The following PRH1 variants were observed in gnomAD, a reference collection of about 807,000 sequenced individuals.
PRH1 encodes salivary acidic proline-rich phosphoprotein 1/2.
In PRH1, 7 loss-of-function variants were observed where a neutral mutation model predicts 7.9. The observed-to-expected ratio is 0.89, with a 90% confidence interval of 0.50 to 1.67. The LOEUF (loss-of-function observed/expected upper bound fraction) is 1.67, where lower values mean the gene tolerates loss of function less well. Ranked by LOEUF, PRH1 falls within the 40% of genes most tolerant of loss-of-function variation. The probability of loss-of-function intolerance (pLI) is 0.00; values close to 1 mark genes in which losing one functional copy is unlikely to be tolerated. For missense variants in PRH1, 109 were observed against 223.6 expected (o/e 0.49, Z 3.27); for synonymous variants, 45 against 80.8 (o/e 0.56, Z 2.38).
At chr12:10,993,496 A>G (rs1940045479) in intron 1 of PRH1, among the ~76,000 whole-genome samples, 1 of 152,192 alleles carries the variant, frequency 6.6e-6, no homozygotes, top group Admixed American at 6.5e-5. Context: ...TCAGTGACCT[A>G]TAACATAGAT....
At chr12:10,923,506 G>A (rs1022793550) in intron 2 of PRH1, among the ~76,000 whole-genome samples, 1 of 152,162 alleles carries the variant, frequency 6.6e-6, no homozygotes, top group African/African-American at 2.4e-5. Flanking sequence ...TAAATGTTAT[G>A]TGATTATTAG....
intron 1 of PRH1, among the ~76,000 whole-genome samples, chr12:11,136,546 A>G (rs2136381510): frequency 6.6e-6 from 1 of 152,312 alleles, no homozygotes; most frequent in African/African-American, 2.4e-5. Flanking sequence ...AAACTACTTC[A>G]AGTAAATTTA....
chr12:11,131,611 C>T (rs1047197978), intron 1 of PRH1, among the ~76,000 whole-genome samples: 1 of 145,802 alleles, frequency 6.9e-6, no homozygotes, highest in Admixed American at 6.9e-5. Context: ...CTTTTATATG[C>T]TTTTTTAAAA....
At chr12:10,916,575 GA>G in intron 2 of PRH1, among the ~76,000 whole-genome samples, 1 of 152,038 alleles carries the variant, frequency 6.6e-6, no homozygotes, top group South Asian at 2.1e-4. Flanking sequence ...TGTTAGCTAT[GA>G]AAAGAGTTGG....
intron 1 of PRH1, among the ~76,000 whole-genome samples, chr12:11,152,333 T>C (rs994771156): frequency 5.3e-5 from 8 of 149,702 alleles, no homozygotes; most frequent in African/African-American, 2.0e-4. Context: ...TGTGAGATAG[T>C]ATAATAATAC....
chr12:10,964,840 C>T lies in PRH1; in HGVS notation c.-59+8815G>A, dbSNP rs143084136. 1.7e-3 allele frequency: 916 copies of T among 546,218 alleles called. 8 individuals carry two copies. The highest frequency in any genetic ancestry group is 0.015 in the African/African-American group (774 of 52,352). The allele number at this position is 546,218 out of a possible 1,614,324, so 33.8% of individuals were successfully genotyped here. A position where few individuals can be genotyped will look rare whatever the true frequency, so the allele number is the denominator to read the frequency against. Reference sequence around the variant, plus strand: ...TTACAGTCATATCTGAAAGGTGCGTCGGATCACTCAATTTGATCTCCCAAC... The same window carrying T: ...TTACAGTCATATCTGAAAGGTGCGTTGGATCACTCAATTTGATCTCCCAAC... On this transcript the variant is annotated intron_variant, in intron 2 of 3. Coordinates refer to the PRH1 transcript ENST00000539853.
chr12:10,981,098 C>T (rs372718956), intron 1 of PRH1, among the ~76,000 whole-genome samples: 1 of 152,160 alleles, frequency 6.6e-6, no homozygotes, highest in South Asian at 2.1e-4. Context: ...TGAGCCAATT[C>T]AGAGAAGCAG....
chr12:10,985,299 A>T (rs1223037876), intron 1 of PRH1, among the ~76,000 whole-genome samples: 1 of 152,142 alleles, frequency 6.6e-6, no homozygotes, highest in Non-Finnish European at 1.5e-5. Context: ...TATGGTAGAC[A>T]TATACAAAAT....
intron 1 of PRH1, among the ~76,000 whole-genome samples, chr12:11,026,034 T>C (rs1050768497): frequency 3.9e-5 from 6 of 151,922 alleles, no homozygotes; most frequent in African/African-American, 1.5e-4. Flanking sequence ...GAACTTATAC[T>C]TGTTTTTTTT....
chr12:10,949,683 G>A (rs554417006), intron 2 of PRH1, among the ~76,000 whole-genome samples: 22 of 150,976 alleles, frequency 1.5e-4, no homozygotes, highest in African/African-American at 4.6e-4. Context: ...TACTATTGTC[G>A]AACATAACAT....
chr12:11,126,795 G>A (rs1192815532), intron 1 of PRH1, among the ~76,000 whole-genome samples: 1 of 152,092 alleles, frequency 6.6e-6, no homozygotes, highest in Non-Finnish European at 1.5e-5. Flanking sequence ...TATACTGTAA[G>A]GCAAATTTTA....
At position 10,908,754 on chromosome 12, in the gene PRH1, G is replaced by A. The variant is rs746721818; in HGVS notation, c.-58-24479C>T. On this transcript the variant is annotated intron_variant, in intron 2 of 3. Transcript: ENST00000539853. Reference sequence around the variant, plus strand: ...TGGTGTTAGACTGAACATAGTCATAGTGAATTTGACCGACACTGAAAATGT... The same window carrying A: ...TGGTGTTAGACTGAACATAGTCATAATGAATTTGACCGACACTGAAAATGT... 8 of 1,613,826 alleles carry A rather than the reference G, an allele frequency of 5.0e-6. No homozygotes were observed. Among genetic ancestry groups the A allele is most frequent in the South Asian group, 2.2e-5 (2 of 91,078 alleles).
At chr12:11,026,656 C>T (rs546727696) in intron 1 of PRH1, among the ~76,000 whole-genome samples, 178 of 152,156 alleles carry the variant, frequency 1.2e-3, no homozygotes, top group African/African-American at 3.8e-3. Context: ...TTCTATAAGC[C>T]GATTCACTAA....
Position 11,106,142 on chromosome 12 carries a change from G to A in PRH1, n.124-58954C>T, listed in dbSNP as rs1183856071. ...TTTTTAGTAGAGACGGGGTTTCACC[G>A]TGTTAGCCAGGATGGTCTCGATCTC... On this transcript the variant is annotated intron_variant and non_coding_transcript_variant, in intron 1 of 4. Transcript: ENST00000541977. Among the ~76,000 whole-genome samples the A allele has an allele frequency of 9.2e-5, 5 of 54,362 alleles. 2 individuals are homozygous for A. The highest frequency in any genetic ancestry group is 2.6e-4 in the Non-Finnish European group (5 of 19,420). The allele number at this position is 54,362 out of a possible 152,430, so 35.7% of individuals were successfully genotyped here. A position where few individuals can be genotyped will look rare whatever the true frequency, so the allele number is the denominator to read the frequency against.
intron 1 of PRH1, among the ~76,000 whole-genome samples, chr12:11,138,156 T>C (rs1946607895): frequency 6.6e-6 from 1 of 152,168 alleles, no homozygotes; most frequent in Non-Finnish European, 1.5e-5. Flanking sequence ...TTTGTGCAGT[T>C]TTCAATATGA....
intron 1 of PRH1, among the ~76,000 whole-genome samples, chr12:11,150,009 G>GGA (rs2136423030): frequency 8.5e-6 from 1 of 117,764 alleles, no homozygotes; most frequent in South Asian, 2.4e-4. Flanking sequence ...AGTGGGCAAA[G>GGA]GACATGAACA....
chr12:11,000,692 T>C (rs1291662955), intron 1 of PRH1, among the ~76,000 whole-genome samples: 1 of 152,148 alleles, frequency 6.6e-6, no homozygotes, highest in Non-Finnish European at 1.5e-5. Flanking sequence ...AGAAGTATGT[T>C]AGATGCTCTG....
chr12:10,970,829 G>T (rs1487361223), intron 2 of PRH1, among the ~76,000 whole-genome samples: 1 of 152,110 alleles, frequency 6.6e-6, no homozygotes, highest in Non-Finnish European at 1.5e-5. Flanking sequence ...GCCACCCAAA[G>T]TGCTGGGATT....
intron 1 of PRH1, chr12:10,986,492 C>G: frequency 3.1e-6 from 5 of 1,614,054 alleles, no homozygotes; most frequent in Non-Finnish European, 3.4e-6. Context: ...TCCTAACTCT[C>G]CTCTTTAAAT....
Sources: allele counts gnomAD v4.1 joint callset (sites outside exome capture counted in the v4.1 genomes callset), GRCh38; gene constraint gnomAD v4.1.1; transcripts MANE v1.5; gene names NCBI Gene and HGNC (gene_info 2026-07-23, HGNC 2026-07-21).